THSD7A: variants seen among roughly 807,000 people sequenced by gnomAD.
The protein encoded by THSD7A is thrombospondin type 1 domain containing 7A.
Under a neutral mutation model 231.3 loss-of-function variants are expected in THSD7A, and 96 were observed. The observed-to-expected ratio is 0.41, with a 90% CI of 0.35 to 0.49. THSD7A has a LOEUF of 0.49. Among genes scored for constraint, THSD7A ranks in the 20% least tolerant of loss-of-function variants. THSD7A has a pLI of 0.05. For synonymous variants in THSD7A, 940 were observed against 743.3 expected (o/e 1.26, Z -4.30); for missense variants, 2,290 against 2,070.2 (o/e 1.11, Z -2.06).
chr7:11,504,842 A>G (rs79343443), intron 6 of THSD7A, among the ~76,000 whole-genome samples: 1 of 151,188 alleles, frequency 6.6e-6, no homozygotes, highest in African/African-American at 2.4e-5. Flanking sequence ...CTTTTTTTTT[A>G]TTGCATTTAT....
chr7:11,619,928 C>T (rs922463715), intron 2 of THSD7A, among the ~76,000 whole-genome samples: 1 of 152,036 alleles, frequency 6.6e-6, no homozygotes, highest in African/African-American at 2.4e-5. Flanking sequence ...TAAAACATGT[C>T]TCTATAAGGT....
At position 11,590,530 on chromosome 7, in the gene THSD7A, G is replaced by C; in HGVS notation, c.1383C>G (p.Thr461=). The change falls in exon 4 of 28, where the codon ACC becomes ACG. Residue 461 remains threonine, a synonymous_variant. Transcript: ENST00000423059. The surrounding 1 kb of genome is among the most constrained non-coding windows in gnomAD (Gnocchi z 4.4). Reference sequence around the variant, plus strand: ...TGGCCTGCACGCAGTACACCTCTCGGGTCTGGATGCCCCCTCCACAGAGGG... The same window carrying C: ...TGGCCTGCACGCAGTACACCTCTCGCGTCTGGATGCCCCCTCCACAGAGGG... ...QTALCGGGIQ[T]REVYCVQANE... The C allele has an allele frequency of 6.2e-7, 1 of 1,613,886 alleles. No homozygotes were observed. Among genetic ancestry groups the C allele is most frequent in the South Asian group, 1.1e-5 (1 of 91,068 alleles).
chr7:11,487,278 T>C (rs1786697461), intron 6 of THSD7A, among the ~76,000 whole-genome samples: 1 of 152,072 alleles, frequency 6.6e-6, no homozygotes, highest in African/African-American at 2.4e-5. Context: ...ACTATAAAAA[T>C]TCATGAAGAC....
At chr7:11,487,286 G>C (rs1395465442) in intron 6 of THSD7A, among the ~76,000 whole-genome samples, 1 of 151,534 alleles carries the variant, frequency 6.6e-6, no homozygotes, top group Non-Finnish European at 1.5e-5. Flanking sequence ...AATTCATGAA[G>C]ACTACCATAG....
At chr7:11,677,504 A>G (rs1783685803) in intron 1 of THSD7A, among the ~76,000 whole-genome samples, 1 of 144,490 alleles carries the variant, frequency 6.9e-6, no homozygotes, top group East Asian at 2.2e-4. Context: ...TGCTGTATTC[A>G]GGAGACCCAT....
chr7:11,385,959 G>T (rs1231178041), intron 23 of THSD7A, among the ~76,000 whole-genome samples: 1 of 151,976 alleles, frequency 6.6e-6, no homozygotes. Flanking sequence ...ATGAGAACAT[G>T]TGTGGTGTTT....
chr7:11,593,514 C>A lies in THSD7A; in HGVS notation c.1023-12G>T, dbSNP rs746229037. 1.9e-6 allele frequency: 3 copies of A among 1,612,366 alleles called. No individual in the cohort carries two copies. In the South Asian group the frequency reaches 3.3e-5, roughly 18 times the overall value. ...CTTGCTGGCAAAAGCTGTAAAAGAGCATTGATATTCTCATTACAGACTCAC... is the reference window on the plus strand; with the variant it reads ...CTTGCTGGCAAAAGCTGTAAAAGAGAATTGATATTCTCATTACAGACTCAC... On this transcript the variant is annotated splice_polypyrimidine_tract_variant and intron_variant, in intron 2 of 27. Coordinates refer to ENST00000423059, the MANE Select transcript of THSD7A (RefSeq NM_015204.3).
chr7:11,605,655 A>T (rs1780710000), intron 2 of THSD7A, among the ~76,000 whole-genome samples: 1 of 152,214 alleles, frequency 6.6e-6, no homozygotes, highest in Admixed American at 6.6e-5. Flanking sequence ...CCCTACTTGT[A>T]ACAGACAACA....
intron 4 of THSD7A, among the ~76,000 whole-genome samples, chr7:11,550,336 G>A (rs1449607173): frequency 2.0e-5 from 3 of 152,062 alleles, no homozygotes; most frequent in African/African-American, 7.2e-5. Flanking sequence ...GAAACCAGAA[G>A]TGACACAAAT....
chr7:11,571,836 C>T (rs901035795), intron 4 of THSD7A, among the ~76,000 whole-genome samples: 4 of 150,942 alleles, frequency 2.7e-5, no homozygotes, highest in Non-Finnish European at 5.9e-5. Context: ...TTAAAATTTT[C>T]TCTTTATCTT....
At chr7:11,416,197 C>G (rs1388823519) in intron 17 of THSD7A, among the ~76,000 whole-genome samples, 1 of 152,088 alleles carries the variant, frequency 6.6e-6, no homozygotes, top group Non-Finnish European at 1.5e-5. Flanking sequence ...ATAATAGAGC[C>G]TCAATAATTC....
intron 1 of THSD7A, among the ~76,000 whole-genome samples, chr7:11,755,972 C>T (rs1526553): frequency 0.65 from 98,673 of 151,816 alleles, 32,659 homozygotes; most frequent in African/African-American, 0.79. Flanking sequence ...ACTTTGAAAA[C>T]ACAATTTTCA....
intron 4 of THSD7A, among the ~76,000 whole-genome samples, chr7:11,577,880 C>A (rs1173077912): frequency 1.3e-5 from 2 of 152,030 alleles, no homozygotes; most frequent in Non-Finnish European, 2.9e-5. Context: ...TTAAAATTCG[C>A]AAGGCTTCTG....
intron 1 of THSD7A, among the ~76,000 whole-genome samples, chr7:11,719,093 C>A (rs1001561921): frequency 6.6e-6 from 1 of 151,432 alleles, no homozygotes. Flanking sequence ...TTTCTTAAGT[C>A]CACAGAAGGC....
At chr7:11,607,588 T>C (rs576310107) in intron 2 of THSD7A, among the ~76,000 whole-genome samples, 8 of 152,144 alleles carry the variant, frequency 5.3e-5, no homozygotes, top group Non-Finnish European at 1.0e-4. Flanking sequence ...GTCACACTTC[T>C]TTCTTGAATA....
chr7:11,387,887 A>G (rs4720981), intron 23 of THSD7A, among the ~76,000 whole-genome samples: 5,937 of 152,252 alleles, frequency 0.039, 265 homozygotes, highest in Admixed American at 0.095. Flanking sequence ...TGTTTCATCA[A>G]TACCTAGATT....
chr7:11,645,076 C>G (rs1376027301), intron 1 of THSD7A, among the ~76,000 whole-genome samples: 1 of 151,908 alleles, frequency 6.6e-6, no homozygotes, highest in African/African-American at 2.4e-5. Context: ...ATGTAGAAAT[C>G]TACATTCTAT....
intron 1 of THSD7A, among the ~76,000 whole-genome samples, chr7:11,687,463 G>A (rs1037754395): frequency 2.6e-5 from 4 of 151,656 alleles, no homozygotes; most frequent in African/African-American, 9.7e-5. Flanking sequence ...TGTCACACAC[G>A]GCTTCTGTGA....
At chr7:11,407,993 C>T (rs1783645219) in intron 19 of THSD7A, among the ~76,000 whole-genome samples, 1 of 151,996 alleles carries the variant, frequency 6.6e-6, no homozygotes, top group Non-Finnish European at 1.5e-5. Flanking sequence ...ATTTTATGTG[C>T]ATTTTTTAAA....
Sources: allele counts gnomAD v4.1 joint callset (sites outside exome capture counted in the v4.1 genomes callset), GRCh38; gene constraint gnomAD v4.1.1; non-coding constraint Gnocchi (gnomAD v3.1); transcripts MANE v1.5; gene names NCBI Gene and HGNC (gene_info 2026-07-23, HGNC 2026-07-21).